The following VWA3A variants were observed in gnomAD, a reference collection of about 807,000 sequenced individuals.
VWA3A encodes von Willebrand factor A domain containing 3A, also known as von Willebrand factor A domain-containing protein 3A.
Under a neutral mutation model 160.4 loss-of-function variants are expected in VWA3A, and 134 were observed. The observed-to-expected ratio is 0.84, with a 90% confidence interval of 0.73 to 0.96. The LOEUF is 0.96. Ranked by LOEUF, VWA3A falls within the 40% of genes least tolerant of loss-of-function variation. The pLI is 0.00. For synonymous variants in VWA3A, 476 were observed against 543.4 expected (o/e 0.88, Z 1.72); for missense variants, 1,310 against 1,447.9 (o/e 0.90, Z 1.55).
Position 22,092,577 on chromosome 16 carries a change from G to A in VWA3A, c.-61G>A, listed in dbSNP as rs1598035811. On this transcript the variant is annotated 5_prime_UTR_variant, in exon 1 of 34. Transcript: ENST00000389398. ...AGGAGCTTGGAGAAACCAGAAGTGA[G>A]ATCCAGGAGAAGTAAGGCCCTGGAG... 1.3e-6 allele frequency: 2 copies of A among 1,544,900 alleles called. No homozygotes were observed. The highest frequency in any genetic ancestry group is 1.8e-6 in the Non-Finnish European group (2 of 1,142,478).
chr16:22,093,455 AG>A (rs1019346262), intron 1 of VWA3A, among the ~76,000 whole-genome samples: 1 of 152,118 alleles, frequency 6.6e-6, no homozygotes, highest in African/African-American at 2.4e-5. Flanking sequence ...ATTTGAGCAA[AG>A]GCCTGAGGGA....
chr16:22,118,828 C>A, intron 11 of VWA3A, 74 bp from the exon 12 acceptor site: 1 of 1,588,378 alleles, frequency 6.3e-7, no homozygotes, highest in Non-Finnish European at 8.6e-7. Context: ...GGCCTGGCTG[C>A]TTGCCCCTTC....
Position 22,123,115 on chromosome 16 carries a change from G to T in VWA3A, c.1387G>T (p.Gly463Trp), listed in dbSNP as rs181878439. Residue 463 changes from glycine to tryptophan, a missense_variant, in exon 15 of 34, where the codon GGG becomes TGG. Transcript: ENST00000389398. ...KAMIQFEWHD[G>W]TVKNIHVDPP... ...AATGATACAATTTGAATGGCACGAC[G>T]GGACAGTGAAGAACATTCATGTGGA... 6.2e-7 allele frequency: 1 copy of T among 1,606,450 alleles called. No individual in the cohort carries two copies. The highest frequency in any genetic ancestry group is 1.3e-5 in the African/African-American group (1 of 74,928).
In VWA3A at chr16:22,155,674, T is replaced by G. The variant is rs746940115; in HGVS notation, c.3503+10T>G. 6.2e-7 allele frequency: 1 copy of G among 1,613,308 alleles called. No homozygotes were observed. The highest frequency in any genetic ancestry group is 8.5e-7 in the Non-Finnish European group (1 of 1,179,412). Reference sequence around the variant, plus strand: ...AGGCCCAATCCTTCAGGTATGCCCTTCACGCAGCCTCTCCGGCCTGCCATG... The same window carrying G: ...AGGCCCAATCCTTCAGGTATGCCCTGCACGCAGCCTCTCCGGCCTGCCATG... On this transcript the variant is annotated intron_variant, in intron 32 of 33. Coordinates refer to ENST00000389398, the MANE Select transcript of VWA3A (RefSeq NM_173615.5).
chr16:22,124,581 A>G (rs2045809882), intron 16 of VWA3A, among the ~76,000 whole-genome samples: 1 of 145,724 alleles, frequency 6.9e-6, no homozygotes, highest in Non-Finnish European at 1.5e-5. Flanking sequence ...ATTATTAGAG[A>G]CAGAGTCTTG....
At chr16:22,145,671 A>AT (rs1335964850) in intron 26 of VWA3A, among the ~76,000 whole-genome samples, 1 of 151,452 alleles carries the variant, frequency 6.6e-6, no homozygotes, top group African/African-American at 2.4e-5. Context: ...AATTATTATG[A>AT]TTTTTATTAA....
intron 6 of VWA3A, among the ~76,000 whole-genome samples, chr16:22,104,867 C>T (rs2045458935): frequency 6.6e-6 from 1 of 152,052 alleles, no homozygotes; most frequent in African/African-American, 2.4e-5. Context: ...GCCTTAAACC[C>T]TGGGAAAAGC....
In VWA3A at chr16:22,155,659, C is replaced by T; in HGVS notation, c.3498C>T (p.Ser1166=). ...KARSFLWQAQ[S]FRSQLQKKND... is the part of the protein sequence containing the mutation. ...GAAGCTTCCTCTGGCAGGCCCAATCCTTCAGGTATGCCCTTCACGCAGCCT... is the reference window on the plus strand; with the variant it reads ...GAAGCTTCCTCTGGCAGGCCCAATCTTTCAGGTATGCCCTTCACGCAGCCT... Residue 1166 remains serine (S), a synonymous_variant, in exon 32 of 34, where the codon TCC becomes TCT. Transcript: ENST00000389398. The T allele has an allele frequency of 6.2e-7, 1 of 1,613,920 alleles. No homozygotes were observed. The highest frequency in any genetic ancestry group is 1.1e-5 in the South Asian group (1 of 91,080).
chr16:22,152,776 G>A, intron 31 of VWA3A, 142 bp downstream of exon 31: 2 of 1,260,114 alleles, frequency 1.6e-6, no homozygotes, highest in Non-Finnish European at 2.2e-6. Flanking sequence ...TTACAGGCAT[G>A]AGCCACCACG....
rs983106008 is a variant in VWA3A, at chr16:22,151,185, C to T, written c.3281+339C>T. 4.0e-5 allele frequency among the ~76,000 whole-genome samples: 6 copies of T among 151,296 alleles called. No homozygotes were observed. In the South Asian group the frequency reaches 6.2e-4, roughly 16 times the overall value. ...ATCCCAGCTACTCAGGAGACTGAGA[C>T]GTGAGAATCACTTGATCCAGGGAGG... On this transcript the variant is annotated intron_variant, in intron 30 of 33. Coordinates refer to ENST00000389398, the MANE Select transcript of VWA3A (RefSeq NM_173615.5).
In VWA3A at chr16:22,123,091, A is replaced by G. The variant is rs776571356; in HGVS notation, c.1363A>G (p.Met455Val). The change falls in exon 15 of 34, where the codon ATG becomes GTG. Residue 455 changes from methionine to valine, a missense_variant. By Grantham distance (21) the Met-to-Val change is conservative. Coordinates refer to ENST00000389398, the MANE Select transcript of VWA3A (RefSeq NM_173615.5). ...TGCCCATGCCTGAGTATAGAAGGCA[A>G]TGATACAATTTGAATGGCACGACGG... The part of the protein sequence containing the change: ...TVSSTIHEKA[M>V]IQFEWHDGTV... 6 of 1,601,668 alleles carry G rather than the reference A, an allele frequency of 3.7e-6. No homozygotes were observed. The highest frequency in any genetic ancestry group is 2.7e-5 in the African/African-American group (2 of 74,772).
intron 26 of VWA3A, among the ~76,000 whole-genome samples, 176 bp from the exon 27 acceptor site, chr16:22,146,060 G>A (rs957949696): frequency 1.3e-5 from 2 of 152,140 alleles, no homozygotes; most frequent in East Asian, 1.9e-4. Flanking sequence ...GGGCTCAAGC[G>A]ATCCTCCTGC....
At chr16:22,148,104 C>T in intron 27 of VWA3A, 58 bp from the exon 28 acceptor site, 1 of 1,515,818 alleles carries the variant, frequency 6.6e-7, no homozygotes, top group Non-Finnish European at 8.8e-7. Context: ...AGGGAAACCA[C>T]CCAGGAGGAG....
rs1168896232 is a variant in VWA3A, at chr16:22,149,833, A to G, written c.3031A>G (p.Thr1011Ala). Residue 1011 changes from threonine to alanine, a missense_variant, in exon 29 of 34, where the codon ACG (threonine) becomes GCG (alanine). Thr to Ala is a moderately conservative substitution (Grantham distance 58). Transcript: ENST00000389398. ...FAESFQSWQD[T>A]LVETTDAACH... ...AGAGAGCTTTCAGTCATGGCAGGAC[A>G]CGCTGGTGGAGACCACAGATGCAGC... 5.0e-6 allele frequency: 8 copies of G among 1,595,066 alleles called. No homozygotes were observed. Among genetic ancestry groups the G allele is most frequent in the Middle Eastern group, 1.7e-4 (1 of 6,010 alleles).
intron 30 of VWA3A, among the ~76,000 whole-genome samples, chr16:22,151,290 A>C (rs1289006345): frequency 6.6e-6 from 1 of 151,720 alleles, no homozygotes; most frequent in Admixed American, 6.6e-5. Context: ...AAAAAAAAAA[A>C]GAAAGAAAAG....
chr16:22,093,631 TTCA>T (rs1485514109), intron 1 of VWA3A, among the ~76,000 whole-genome samples: 1 of 152,244 alleles, frequency 6.6e-6, no homozygotes, highest in Non-Finnish European at 1.5e-5. Flanking sequence ...TGTATAGTAC[TTCA>T]TATTTCACAA....
intron 19 of VWA3A, 155 bp from the exon 20 acceptor site, chr16:22,132,745 C>T (rs1213453780): frequency 1.1e-5 from 8 of 702,920 alleles, no homozygotes; most frequent in Non-Finnish European, 1.8e-5. Context: ...TTGAGAGAAA[C>T]TGCAACCCAG....
At chr16:22,113,909 TTTCTATCAA>T (rs2045593549) in intron 8 of VWA3A, among the ~76,000 whole-genome samples, 1 of 152,140 alleles carries the variant, frequency 6.6e-6, no homozygotes, top group Non-Finnish European at 1.5e-5. Context: ...TGAAGGAAAC[TTTCTATCAA>T]TACCATAACT....
At chr16:22,152,856 G>A (rs2046374630) in intron 31 of VWA3A, among the ~76,000 whole-genome samples, 1 of 152,168 alleles carries the variant, frequency 6.6e-6, no homozygotes, top group South Asian at 2.1e-4. Flanking sequence ...TAGCTGAAAA[G>A]GATTGGGTTT....
Sources: gnomAD v4.1 joint callset for allele counts (sites outside exome capture counted in the v4.1 genomes callset) on GRCh38, gnomAD v4.1.1 for gene constraint, MANE v1.5 for transcripts, NCBI Gene and HGNC (gene_info 2026-07-23, HGNC 2026-07-21) for gene names.